The following BCL2 variants were observed in gnomAD, a reference collection of about 807,000 sequenced individuals.
BCL2 encodes BCL2 apoptosis regulator, also known as apoptosis regulator Bcl-2.
In BCL2, 1 loss-of-function variant was observed where a neutral mutation model predicts 14.2. That is an observed-to-expected ratio of 0.07 (90% CI 0.02 to 0.33). The LOEUF is 0.33. BCL2 is among the 10% of genes least tolerant of loss of function. The pLI, the probability that BCL2 is intolerant of heterozygous loss-of-function variation, is 0.99. For synonymous variants in BCL2, 151 were observed against 137.2 expected, an observed-to-expected ratio of 1.10 and a Z score of -0.70; for missense variants, 247 against 305.9, an observed-to-expected ratio of 0.81 and a Z score of 1.44.
rs527446193 is a variant in BCL2, at chr18:63,307,556, A to C, written c.585+10526T>G. Among the ~76,000 whole-genome samples the C allele has an allele frequency of 4.6e-5, 7 of 152,258 alleles. No homozygotes were observed. The South Asian group carries it at 1.5e-3, about 32-fold the overall frequency. ...AAAGGAAACTTGTGCAATGGCTGTC[A>C]TTTTTTTCCCTGAGCCACAAGCTGT... On this transcript the variant is annotated intron_variant, in intron 2 of 2. Coordinates refer to ENST00000333681, the MANE Select transcript of BCL2 (RefSeq NM_000633.3).
chr18:63,157,431 TG>T (rs1210624891), intron 2 of BCL2, among the ~76,000 whole-genome samples: 1 of 152,194 alleles, frequency 6.6e-6, no homozygotes, highest in Non-Finnish European at 1.5e-5. Flanking sequence ...GCTTATTTCA[TG>T]GAAACCCTTC....
chr18:63,254,695 A>C (rs576832610), intron 2 of BCL2, among the ~76,000 whole-genome samples: 26 of 152,336 alleles, frequency 1.7e-4, no homozygotes, highest in Middle Eastern at 3.4e-3. Flanking sequence ...CACGTATTTA[A>C]AATATGGGTT....
At chr18:63,223,423 G>C (rs1467284072) in intron 2 of BCL2, among the ~76,000 whole-genome samples, 1 of 150,874 alleles carries the variant, frequency 6.6e-6, no homozygotes, top group Non-Finnish European at 1.5e-5. Context: ...AAATAAAGAA[G>C]AATGTGAGGG....
intron 2 of BCL2, among the ~76,000 whole-genome samples, chr18:63,229,428 T>C (rs1316829636): frequency 6.6e-6 from 1 of 152,196 alleles, no homozygotes; most frequent in Non-Finnish European, 1.5e-5. Flanking sequence ...CCGAATCTCA[T>C]ATTGAAATAT....
intron 2 of BCL2, among the ~76,000 whole-genome samples, chr18:63,195,687 T>C (rs1319793031): frequency 6.6e-6 from 1 of 152,242 alleles, no homozygotes; most frequent in African/African-American, 2.4e-5. Context: ...AATAGTGCTT[T>C]AGGATATAAC....
At chr18:63,268,066 A>G (rs984637478) in intron 2 of BCL2, among the ~76,000 whole-genome samples, 1 of 152,200 alleles carries the variant, frequency 6.6e-6, no homozygotes, top group East Asian at 1.9e-4. Flanking sequence ...CTTTTCACGC[A>G]TGGCGGAAGC....
chr18:63,167,636 G>C (rs540641654), intron 2 of BCL2, among the ~76,000 whole-genome samples: 1 of 151,940 alleles, frequency 6.6e-6, no homozygotes, highest in South Asian at 2.1e-4. Context: ...TTAAGAATTA[G>C]CCGGATGTTG....
At position 63,318,432 on chromosome 18, in the gene BCL2, CG is replaced by C. The variant is rs2144324230; in HGVS notation, c.234del (p.Gly79AlafsTer17). 2.0e-6 allele frequency: 3 copies of C among 1,473,600 alleles called. No homozygotes were observed. The highest frequency in any genetic ancestry group is 2.7e-6 in the Non-Finnish European group (3 of 1,122,512). 91.3% of individuals were successfully genotyped at this position (1,473,600 alleles called of 1,614,324 possible). On this transcript the variant is annotated frameshift_variant, in exon 2 of 3. Coordinates refer to ENST00000333681, the MANE Select transcript of BCL2 (RefSeq NM_000633.3). LOFTEE classifies it high-confidence loss of function. The surrounding 1 kb of genome is among the most constrained non-coding windows in gnomAD (Gnocchi z 7.4). ...CTGAGCGCAGGCCCCGCGGCGGCGC[CG>C]GGGGCAGCCGGGGTCTGCAGCGGCG... Reference protein sequence around the residue: ...RTSPLQTPAAPGAAAGPALSP... With the variant: ...RTSPLQTPAAXGAAAGPALSP...
chr18:63,299,219 C>T (rs186238920), intron 2 of BCL2, among the ~76,000 whole-genome samples: 1 of 152,354 alleles, frequency 6.6e-6, no homozygotes, highest in East Asian at 1.9e-4. Flanking sequence ...GCTTGTACTG[C>T]TTGTCATGTG....
At chr18:63,186,666 C>A (rs201755766) in intron 2 of BCL2, among the ~76,000 whole-genome samples, 2 of 152,166 alleles carry the variant, frequency 1.3e-5, no homozygotes, top group Non-Finnish European at 2.9e-5. Flanking sequence ...TTGGTCTTCA[C>A]CTTTTCAGTT....
chr18:63,239,815 A>T (rs1016253922), intron 2 of BCL2, among the ~76,000 whole-genome samples: 23 of 152,212 alleles, frequency 1.5e-4, no homozygotes, highest in African/African-American at 4.8e-4. Context: ...GTTTTCATGC[A>T]TGGAATCTTC....
intron 2 of BCL2, among the ~76,000 whole-genome samples, chr18:63,133,146 C>T (rs1002864824): frequency 6.6e-6 from 1 of 152,144 alleles, no homozygotes; most frequent in African/African-American, 2.4e-5. Flanking sequence ...AACTCCCAGC[C>T]GCAGCCTTGC....
intron 2 of BCL2, among the ~76,000 whole-genome samples, chr18:63,191,519 C>G (rs1787376315): frequency 6.6e-6 from 1 of 152,202 alleles, no homozygotes; most frequent in African/African-American, 2.4e-5. Context: ...AATTTGTATT[C>G]AGTAGTGTCA....
intron 2 of BCL2, among the ~76,000 whole-genome samples, chr18:63,244,416 AG>A (rs1911098470): frequency 6.7e-6 from 1 of 148,344 alleles, no homozygotes; most frequent in South Asian, 2.2e-4. Context: ...AAAATTAGCC[AG>A]GCATGGTGAC....
At chr18:63,137,598 C>A (rs1055669282) in intron 2 of BCL2, among the ~76,000 whole-genome samples, 4 of 152,124 alleles carry the variant, frequency 2.6e-5, no homozygotes, top group African/African-American at 9.7e-5. Context: ...GTCCTCCTCC[C>A]AGGGACTGAT....
chr18:63,196,143 T>TTA (rs778306673), intron 2 of BCL2, among the ~76,000 whole-genome samples: 4 of 152,214 alleles, frequency 2.6e-5, no homozygotes, highest in African/African-American at 4.8e-5. Context: ...AAATGCCAAG[T>TTA]TATCTGTATC....
At chr18:63,236,720 C>A (rs908233194) in intron 2 of BCL2, among the ~76,000 whole-genome samples, 3 of 127,228 alleles carry the variant, frequency 2.4e-5, no homozygotes, top group Admixed American at 7.8e-5. Flanking sequence ...AGGAAGGGGC[C>A]GGAGGAAGTG....
At chr18:63,258,914 G>A (rs1911568218) in intron 2 of BCL2, among the ~76,000 whole-genome samples, 1 of 152,222 alleles carries the variant, frequency 6.6e-6, no homozygotes, top group Non-Finnish European at 1.5e-5. Flanking sequence ...GCTTGTCACT[G>A]GCTTCCTTTG....
intron 2 of BCL2, among the ~76,000 whole-genome samples, chr18:63,166,468 A>G (rs1915047670): frequency 6.6e-6 from 1 of 152,164 alleles, no homozygotes; most frequent in African/African-American, 2.4e-5. Flanking sequence ...CTGGGAGGAC[A>G]CCCTGCAGTT....
Sources: gnomAD v4.1 joint callset for allele counts (sites outside exome capture counted in the v4.1 genomes callset) on GRCh38, gnomAD v4.1.1 for gene constraint, Gnocchi (gnomAD v3.1) non-coding constraint, MANE v1.5 for transcripts, NCBI Gene and HGNC (gene_info 2026-07-23, HGNC 2026-07-21) for gene names.